The following IL7R variants were observed in gnomAD, a reference collection of about 807,000 sequenced individuals.
IL7R encodes the protein interleukin-7 receptor subunit alpha.
IL7R carries 38 observed loss-of-function variants against 47.0 expected under a neutral mutation model. The observed-to-expected ratio is 0.81, with a 90% CI of 0.62 to 1.06. The LOEUF (loss-of-function observed/expected upper bound fraction) is 1.06. Among genes scored for constraint, IL7R ranks in the 50% least tolerant of loss-of-function variants. The pLI is 0.00. For synonymous variants in IL7R, 221 were observed against 199.8 expected (o/e 1.11, Z -0.89); for missense variants, 633 against 534.8 (o/e 1.18, Z -1.81).
At chr5:35,875,628 A>G (rs1297364827) in intron 7 of IL7R, 41 bp downstream of exon 7, 2 of 1,375,418 alleles carry the variant, frequency 1.5e-6, no homozygotes, top group South Asian at 2.3e-5. Flanking sequence ...TGTTGGCAAC[A>G]TCCCAGTGGC....
intron 6 of IL7R, among the ~76,000 whole-genome samples, chr5:35,874,931 A>G (rs1361629470): frequency 6.6e-6 from 1 of 152,236 alleles, no homozygotes; most frequent in East Asian, 1.9e-4. Context: ...GTTTCATCAT[A>G]AAAATGATGT....
At chr5:35,873,919 C>A (rs1760140296) in intron 5 of IL7R, among the ~76,000 whole-genome samples, 1 of 152,170 alleles carries the variant, frequency 6.6e-6, no homozygotes, top group Non-Finnish European at 1.5e-5. Context: ...ACAAAATCCC[C>A]ACCCACTACG....
At chr5:35,864,381 G>C (rs1759889541) in intron 2 of IL7R, among the ~76,000 whole-genome samples, 2 of 151,746 alleles carry the variant, frequency 1.3e-5, no homozygotes, top group Non-Finnish European at 2.9e-5. Flanking sequence ...ATTTTTCTGG[G>C]GTATAAAACC....
At chr5:35,869,321 T>G (rs1760014348) in intron 3 of IL7R, among the ~76,000 whole-genome samples, 2 of 152,200 alleles carry the variant, frequency 1.3e-5, no homozygotes, top group Non-Finnish European at 1.5e-5. Context: ...TACAAGAATC[T>G]ATTCCCTCTG....
chr5:35,856,907 C>T lies in IL7R; in HGVS notation c.-71C>T, dbSNP rs1759654615. On this transcript the variant is annotated 5_prime_UTR_variant, in exon 1 of 8. Coordinates refer to ENST00000303115, the MANE Select transcript of IL7R (RefSeq NM_002185.5). Reference sequence around the variant, plus strand: ...CTTCTCTGTCTTCCTCCCTCCCTCCCTTCCTCTTACTCTCATTCATTTCAT... The same window carrying T: ...CTTCTCTGTCTTCCTCCCTCCCTCCTTTCCTCTTACTCTCATTCATTTCAT... 2 of 885,250 alleles carry T rather than the reference C, an allele frequency of 2.3e-6. No individual in the cohort carries two copies. Among genetic ancestry groups the T allele is most frequent in the Non-Finnish European group, 3.8e-6 (2 of 523,854 alleles). 54.8% of individuals were successfully genotyped at this position (885,250 alleles called of 1,614,324 possible). A position where few individuals can be genotyped will look rare whatever the true frequency, so the allele number is the denominator to read the frequency against.
chr5:35,876,624 A>C lies in IL7R; in HGVS notation c.*138A>C, dbSNP rs925311690. 4.4e-6 allele frequency: 4 copies of C among 905,488 alleles called. No homozygotes were observed. In the Admixed American group the frequency reaches 8.0e-5, roughly 18 times the overall value. 56.1% of individuals were successfully genotyped at this position (905,488 alleles called of 1,614,324 possible). On this transcript the variant is annotated 3_prime_UTR_variant, in exon 8 of 8. Coordinates refer to ENST00000303115, the MANE Select transcript of IL7R (RefSeq NM_002185.5). ...CACTACACAGTCTGCAAGATTCTGA[A>C]ACATTGCTTTGACCACTCTTCCTGA...
chr5:35,872,990 ACTT>A (rs904956584), intron 4 of IL7R, among the ~76,000 whole-genome samples: 1 of 151,888 alleles, frequency 6.6e-6, no homozygotes, highest in Non-Finnish European at 1.5e-5. Context: ...ATAGCAATGG[ACTT>A]CTTTTTATCT....
chr5:35,863,906 G>A (rs537507171), intron 2 of IL7R, among the ~76,000 whole-genome samples: 2 of 151,880 alleles, frequency 1.3e-5, no homozygotes, highest in South Asian at 2.1e-4. Flanking sequence ...GCATTTTAGG[G>A]GTAAAATTTA....
At chr5:35,867,183 A>T (rs1759959368) in intron 2 of IL7R, 123 bp from the exon 3 acceptor site, 1 of 817,084 alleles carries the variant, frequency 1.2e-6, no homozygotes, top group African/African-American at 1.7e-5. Context: ...GCCTCCACTC[A>T]CCCACCCACA....
chr5:35,858,302 G>A (rs575971644), intron 1 of IL7R, among the ~76,000 whole-genome samples: 1 of 152,106 alleles, frequency 6.6e-6, no homozygotes, highest in East Asian at 1.9e-4. Flanking sequence ...CCCAGTTTGG[G>A]GTATAGGAAT....
intron 5 of IL7R, 69 bp downstream of exon 5, chr5:35,873,717 G>C (rs1476394137): frequency 2.8e-6 from 4 of 1,450,634 alleles, no homozygotes; most frequent in Middle Eastern, 1.9e-4. Context: ...GAGCAAGTGA[G>C]AGGAAGATTG....
At chr5:35,873,005 T>C (rs1760109349) in intron 4 of IL7R, among the ~76,000 whole-genome samples, 1 of 149,658 alleles carries the variant, frequency 6.7e-6, no homozygotes, top group African/African-American at 2.4e-5. Flanking sequence ...TTTTTATCTG[T>C]CAAATTGATA....
chr5:35,861,976 C>T (rs1333699360), intron 2 of IL7R, among the ~76,000 whole-genome samples: 1 of 152,132 alleles, frequency 6.6e-6, no homozygotes, highest in African/African-American at 2.4e-5. Context: ...CAATTCTCCA[C>T]AGTCTATAGT....
intron 3 of IL7R, among the ~76,000 whole-genome samples, chr5:35,867,765 T>C (rs903623143): frequency 2.0e-5 from 3 of 152,190 alleles, no homozygotes; most frequent in Admixed American, 6.5e-5. Flanking sequence ...TTTCCTTCCT[T>C]ATCTGTCCTT....
At position 35,875,964 on chromosome 5, in the gene IL7R, T is replaced by C. The variant is rs761041975; in HGVS notation, c.877-19T>C. 1.2e-6 allele frequency: 2 copies of C among 1,608,006 alleles called. No homozygotes were observed. The highest frequency in any genetic ancestry group is 8.5e-7 in the Non-Finnish European group (1 of 1,179,836). ...CTCTCTGGTGCCATCTTAATACCCTTTCTCCTTTTTCTGTGCAGAATTTAA... is the reference window on the plus strand; with the variant it reads ...CTCTCTGGTGCCATCTTAATACCCTCTCTCCTTTTTCTGTGCAGAATTTAA... On this transcript the variant is annotated intron_variant, in intron 7 of 7. Transcript: ENST00000303115.
chr5:35,870,490 A>C (rs961485479), intron 3 of IL7R, among the ~76,000 whole-genome samples: 6 of 152,204 alleles, frequency 3.9e-5, no homozygotes, highest in Non-Finnish European at 8.8e-5. Context: ...AAGAATAAAG[A>C]CTCAGAGTTT....
Position 35,876,562 on chromosome 5 carries a change from C to G in IL7R, c.*76C>G. The G allele has an allele frequency of 6.7e-7, 1 of 1,502,800 alleles. No homozygotes were observed. The highest frequency in any genetic ancestry group is 9.1e-7 in the Non-Finnish European group (1 of 1,095,514). The allele number at this position is 1,502,800 out of a possible 1,614,324, so 93.1% of individuals were successfully genotyped here. On this transcript the variant is annotated 3_prime_UTR_variant, in exon 8 of 8. Transcript: ENST00000303115. ...AAGGGAAGTCTAGAGTTCCTAGTCT[C>G]CCTCACAGCACAGAGAAGACAAAAT... is the stretch of plus-strand genomic sequence containing the variant.
Position 35,875,991 on chromosome 5 carries a change from T to A in IL7R, c.885T>A (p.Asn295Lys). ...CTCCTTTTTCTGTGCAGAATTTAAA[T>A]GTGAGTTTCAATCCTGAAAGTTTCC... ...HLCKKPRKNL[N>K]VSFNPESFLD... Residue 295 changes from asparagine to lysine, a missense_variant, in exon 8 of 8, where the codon AAT (asparagine) becomes AAA (lysine). Coordinates refer to ENST00000303115, the MANE Select transcript of IL7R (RefSeq NM_002185.5). 4 of 1,612,658 alleles carry A rather than the reference T, an allele frequency of 2.5e-6. No homozygotes were observed. The highest frequency in any genetic ancestry group is 3.4e-6 in the Non-Finnish European group (4 of 1,179,970).
intron 1 of IL7R, among the ~76,000 whole-genome samples, chr5:35,859,729 C>T (rs538751407): frequency 4.6e-5 from 7 of 152,232 alleles, no homozygotes; most frequent in African/African-American, 1.4e-4. Context: ...AAGTGCTATT[C>T]GGACAGCCCT....
Sources: gnomAD v4.1 joint callset for allele counts (sites outside exome capture counted in the v4.1 genomes callset) on GRCh38, gnomAD v4.1.1 for gene constraint, MANE v1.5 for transcripts, NCBI Gene and HGNC (gene_info 2026-07-23, HGNC 2026-07-21) for gene names.